The following NTM variants were observed in gnomAD, a reference collection of about 807,000 sequenced individuals.
NTM encodes neurotrimin, also known as IgLON family member 2.
Under a neutral mutation model 42.1 loss-of-function variants are expected in NTM, and 13 were observed. The observed-to-expected ratio is 0.31, with a 90% CI of 0.20 to 0.49. NTM has a LOEUF of 0.49. Ranked by LOEUF, NTM falls within the 20% of genes least tolerant of loss-of-function variation. The pLI, the probability that NTM is intolerant of heterozygous loss-of-function variation, is 0.99. For missense variants in NTM, 373 were observed against 452.8 expected, an observed-to-expected ratio of 0.82 and a Z score of 1.60; for synonymous variants, 187 against 179.2, an observed-to-expected ratio of 1.04 and a Z score of -0.35.
rs543810913 is a variant in NTM at position 131,598,551 on chromosome 11, A to G, written c.82+227663A>G. On this transcript the variant is annotated intron_variant, in intron 1 of 8. Coordinates refer to ENST00000683400, the MANE Select transcript of NTM (RefSeq NM_001352005.2). ...TCACATGTGTGCACTCGGGGCGGAG[A>G]GCTCCCCCCTCCATTAGTCACTGGG... 2.1e-3 allele frequency among the ~76,000 whole-genome samples: 314 copies of G among 152,024 alleles called. 2 individuals are homozygous for G. The highest frequency in any genetic ancestry group is 7.4e-3 in the African/African-American group (308 of 41,470).
chr11:131,651,432 A>G (rs1199424643), intron 1 of NTM, among the ~76,000 whole-genome samples: 2 of 152,212 alleles, frequency 1.3e-5, no homozygotes. Flanking sequence ...TTTAAGCAAG[A>G]TTCCCTGGCA....
At position 132,278,521 on chromosome 11, in the gene NTM, C is replaced by T. The variant is rs2093824249; in HGVS notation, c.527-29168C>T. ...GCAAGGTGGCTGGGTTTCTAGAACACAGGCAGAAACTACATTGCAGCCCCA... is the reference window on the plus strand; with the variant it reads ...GCAAGGTGGCTGGGTTTCTAGAACATAGGCAGAAACTACATTGCAGCCCCA... On this transcript the variant is annotated intron_variant, in intron 4 of 8. Transcript: ENST00000683400. 2.0e-5 allele frequency among the ~76,000 whole-genome samples: 3 copies of T among 152,108 alleles called. No homozygotes were observed. The South Asian group carries it at 6.2e-4, about 32-fold the overall frequency.
At chr11:132,100,315 G>A (rs1418185116) in intron 2 of NTM, among the ~76,000 whole-genome samples, 1 of 152,158 alleles carries the variant, frequency 6.6e-6, no homozygotes, top group Admixed American at 6.5e-5. Context: ...GTATGCACTG[G>A]ATGTTGTTTT....
chr11:132,117,968 G>A (rs2064137129), intron 2 of NTM, among the ~76,000 whole-genome samples: 1 of 152,200 alleles, frequency 6.6e-6, no homozygotes, highest in South Asian at 2.1e-4. Flanking sequence ...AAGAACTTGG[G>A]CTGCCTTGGG....
rs147136527 is a variant in NTM at position 131,708,627 on chromosome 11, C to T, written c.83-202937C>T. On this transcript the variant is annotated intron_variant, in intron 1 of 8. Transcript: ENST00000683400. ...AAATAGTGGAAGCAACCTAAATACC[C>T]AAGGGAATGATTACACACAGTCAAT... Among the ~76,000 whole-genome samples the T allele has an allele frequency of 1.7e-3, 260 of 152,106 alleles. 1 individual carries two copies. Among genetic ancestry groups the T allele is most frequent in the African/African-American group, 6.1e-3 (253 of 41,476 alleles).
chr11:132,111,063 C>CAAAAAAA (rs57458373), intron 2 of NTM, among the ~76,000 whole-genome samples: 29 of 35,464 alleles, frequency 8.2e-4, no homozygotes, highest in Non-Finnish European at 9.8e-4. Flanking sequence ...GGCCCTATCT[C>CAAAAAAA]AAAAAAAAAA....
chr11:132,181,491 T>C (rs2138054469), intron 3 of NTM, among the ~76,000 whole-genome samples: 1 of 152,346 alleles, frequency 6.6e-6, no homozygotes, highest in Non-Finnish European at 1.5e-5. Flanking sequence ...TTATTATCCT[T>C]GGTACCTAAC....
chr11:132,164,504 T>C (rs1395391825), intron 3 of NTM, among the ~76,000 whole-genome samples: 4 of 152,208 alleles, frequency 2.6e-5, no homozygotes. Flanking sequence ...TTTATTTGAC[T>C]ATGAACTCAT....
At chr11:131,757,051 C>G (rs953004093) in intron 1 of NTM, among the ~76,000 whole-genome samples, 18 of 152,210 alleles carry the variant, frequency 1.2e-4, no homozygotes, top group African/African-American at 3.9e-4. Flanking sequence ...ATGCCTTCAG[C>G]AGGGGCAGCC....
At chr11:132,269,830 T>C (rs2093392261) in intron 4 of NTM, among the ~76,000 whole-genome samples, 1 of 152,192 alleles carries the variant, frequency 6.6e-6, no homozygotes, top group African/African-American at 2.4e-5. Flanking sequence ...CTGAGAGATG[T>C]GTCATTTACT....
intron 1 of NTM, among the ~76,000 whole-genome samples, chr11:131,693,708 C>T (rs1157780092): frequency 6.6e-6 from 1 of 152,166 alleles, no homozygotes; most frequent in Admixed American, 6.5e-5. Context: ...TATATATGCC[C>T]TGGTGTTCCC....
chr11:132,129,082 G>A (rs10894509), intron 2 of NTM, among the ~76,000 whole-genome samples: 1 of 151,756 alleles, frequency 6.6e-6, no homozygotes, highest in Non-Finnish European at 1.5e-5. Flanking sequence ...AGAAAGTGCC[G>A]CTGGAAAAGT....
At chr11:131,556,943 C>T (rs2055512801) in intron 1 of NTM, among the ~76,000 whole-genome samples, 1 of 152,078 alleles carries the variant, frequency 6.6e-6, no homozygotes, top group African/African-American at 2.4e-5. Context: ...TTGTTGCATA[C>T]TATCTGGGAC....
At chr11:131,837,670 C>A (rs2043686637) in intron 1 of NTM, among the ~76,000 whole-genome samples, 1 of 152,260 alleles carries the variant, frequency 6.6e-6, no homozygotes, top group South Asian at 2.1e-4. Flanking sequence ...GGTTTTTCAA[C>A]GGGCCCCAAC....
At chr11:131,877,575 C>T (rs1313144623) in intron 1 of NTM, 5 of 152,182 alleles carry the variant, frequency 3.3e-5, no homozygotes, top group African/African-American at 9.7e-5. Context: ...ACAAAGCAAT[C>T]ATGAAATATA....
intron 1 of NTM, among the ~76,000 whole-genome samples, chr11:131,698,839 A>C (rs1172366592): frequency 1.3e-5 from 2 of 152,182 alleles, no homozygotes; most frequent in Non-Finnish European, 2.9e-5. Context: ...ATCTGAGAGA[A>C]AGCCTATGTG....
intron 3 of NTM, among the ~76,000 whole-genome samples, chr11:132,202,412 G>A (rs1173864613): frequency 3.3e-5 from 5 of 152,206 alleles, no homozygotes; most frequent in Middle Eastern, 3.4e-3. Flanking sequence ...GGTGGTGAAG[G>A]GCAATAAAGC....
intron 2 of NTM, among the ~76,000 whole-genome samples, chr11:132,126,300 GAC>G (rs530759469): frequency 3.9e-5 from 6 of 152,280 alleles, no homozygotes; most frequent in African/African-American, 9.6e-5. Context: ...AAGGTAGGGA[GAC>G]ACACACCACG....
chr11:131,682,422 G>C (rs1296804813), intron 1 of NTM, among the ~76,000 whole-genome samples: 1 of 152,184 alleles, frequency 6.6e-6, no homozygotes, highest in Non-Finnish European at 1.5e-5. Flanking sequence ...ACCTGCTCCT[G>C]CTATCCTAAC....
Sources: allele counts gnomAD v4.1 joint callset (sites outside exome capture counted in the v4.1 genomes callset), GRCh38; gene constraint gnomAD v4.1.1; transcripts MANE v1.5; gene names NCBI Gene and HGNC (gene_info 2026-07-23, HGNC 2026-07-21).